The following LPP variants were observed in gnomAD, a reference collection of about 807,000 sequenced individuals.
The protein encoded by LPP is LIM domain containing preferred translocation partner in lipoma.
Under a neutral mutation model 60.4 loss-of-function variants are expected in LPP, and 38 were observed. The observed-to-expected ratio is 0.63, with a 90% CI of 0.49 to 0.83. LPP has a LOEUF of 0.83. Among genes scored for constraint, LPP ranks in the 40% least tolerant of loss-of-function variants. The probability of loss-of-function intolerance (pLI) is 0.00; values close to 1 mark genes in which losing one functional copy is unlikely to be tolerated. For missense variants in LPP, 902 were observed against 783.6 expected (o/e 1.15, Z -1.80); for synonymous variants, 328 against 290.8 (o/e 1.13, Z -1.30).
At chr3:188,478,316 A>G (rs954218970) in intron 4 of LPP, among the ~76,000 whole-genome samples, 8 of 152,274 alleles carry the variant, frequency 5.3e-5, no homozygotes, top group Middle Eastern at 3.4e-3. Context: ...ATTGAGACCT[A>G]TTTCTGGGCC....
intron 4 of LPP, among the ~76,000 whole-genome samples, chr3:188,455,705 A>G (rs549618925): frequency 6.6e-6 from 1 of 152,302 alleles, no homozygotes; most frequent in Admixed American, 6.5e-5. Context: ...ACTGTAACCT[A>G]TTCTAGATAT....
intron 3 of LPP, among the ~76,000 whole-genome samples, chr3:188,371,173 T>C (rs1320792435): frequency 6.6e-6 from 1 of 152,160 alleles, no homozygotes; most frequent in Admixed American, 6.5e-5. Context: ...TGGTAACTAT[T>C]AACCCACTCA....
intron 4 of LPP, among the ~76,000 whole-genome samples, chr3:188,437,106 C>A (rs1403315414): frequency 6.6e-6 from 1 of 152,152 alleles, no homozygotes; most frequent in Non-Finnish European, 1.5e-5. Flanking sequence ...ATTTATACAG[C>A]TGCTTACCAT....
rs964973067 is a variant in LPP, at chr3:188,558,895, G to A, written c.429+34108G>A. Among the ~76,000 whole-genome samples, 3 of 152,192 alleles carry A rather than the reference G, an allele frequency of 2.0e-5. 1 individual carries two copies. The highest frequency in any genetic ancestry group is 4.1e-4 in the South Asian group (2 of 4,820). On this transcript the variant is annotated intron_variant, in intron 6 of 11. Coordinates refer to ENST00000617246, the MANE Select transcript of LPP (RefSeq NM_001375462.1). ...GTATGACTCAGCTTTTGTCCAAGCA[G>A]CACTGCTTTTGTTCTATTTTGAATT...
chr3:188,678,474 T>C (rs1576989760), intron 7 of LPP, among the ~76,000 whole-genome samples: 1 of 152,246 alleles, frequency 6.6e-6, no homozygotes, highest in African/African-American at 2.4e-5. Flanking sequence ...GCATATGTTG[T>C]ATATTTCTGC....
At chr3:188,442,572 C>A (rs1366645282) in intron 4 of LPP, among the ~76,000 whole-genome samples, 1 of 152,102 alleles carries the variant, frequency 6.6e-6, no homozygotes, top group East Asian at 1.9e-4. Context: ...TGTGAACCAA[C>A]AGATTGGTGG....
chr3:188,588,200 T>G (rs1000765765), intron 6 of LPP, among the ~76,000 whole-genome samples: 2 of 152,192 alleles, frequency 1.3e-5, no homozygotes, highest in African/African-American at 4.8e-5. Flanking sequence ...CAAGCTGTGT[T>G]TTTCAAGACA....
At chr3:188,440,340 A>T (rs1560407558) in intron 4 of LPP, among the ~76,000 whole-genome samples, 1 of 152,202 alleles carries the variant, frequency 6.6e-6, no homozygotes, top group Non-Finnish European at 1.5e-5. Context: ...AAGGTTAAGT[A>T]TTATATTTAA....
intron 6 of LPP, among the ~76,000 whole-genome samples, chr3:188,579,344 G>GA (rs1261652992): frequency 6.6e-6 from 1 of 152,228 alleles, no homozygotes; most frequent in Non-Finnish European, 1.5e-5. Context: ...TGACATTCTA[G>GA]ACTGGGTTCC....
intron 6 of LPP, among the ~76,000 whole-genome samples, chr3:188,594,550 T>C (rs1217992095): frequency 1.3e-5 from 2 of 152,198 alleles, no homozygotes; most frequent in East Asian, 1.9e-4. Flanking sequence ...TTTTACCCAG[T>C]AGCTGGCAAC....
intron 7 of LPP, among the ~76,000 whole-genome samples, chr3:188,619,287 A>AGCC (rs1845401286): frequency 6.6e-6 from 1 of 152,212 alleles, no homozygotes; most frequent in African/African-American, 2.4e-5. Context: ...GGCCTCCCAA[A>AGCC]GTGTTGGGAT....
chr3:188,538,445 G>A (rs917900806), intron 6 of LPP, among the ~76,000 whole-genome samples: 1 of 152,130 alleles, frequency 6.6e-6, no homozygotes, highest in Non-Finnish European at 1.5e-5. Context: ...AAAAGATGCT[G>A]GACATATTTA....
intron 6 of LPP, among the ~76,000 whole-genome samples, chr3:188,556,715 A>G (rs1468549066): frequency 6.6e-6 from 1 of 151,970 alleles, no homozygotes; most frequent in Admixed American, 6.6e-5. Context: ...CTGCGAAACC[A>G]TAGCTTGTTC....
chr3:188,381,147 C>T (rs767434378), intron 3 of LPP, among the ~76,000 whole-genome samples: 2 of 152,064 alleles, frequency 1.3e-5, no homozygotes, highest in Non-Finnish European at 2.9e-5. Flanking sequence ...CTAAGATGGT[C>T]CTGTGATTAA....
Position 188,831,929 on chromosome 3 carries a change from G to A in LPP, c.1411-34271G>A, listed in dbSNP as rs539711968. On this transcript the variant is annotated intron_variant, in intron 9 of 11. Transcript: ENST00000617246. ...TCTCATAAAGATGTGCTATATATGT[G>A]TCCCATAGATTTTAATGAGACTTCA... 3.3e-5 allele frequency among the ~76,000 whole-genome samples: 5 copies of A among 152,302 alleles called. No individual in the cohort carries two copies. The South Asian group carries it at 6.2e-4, about 19-fold the overall frequency.
At chr3:188,353,918 C>G (rs1487157602) in intron 3 of LPP, among the ~76,000 whole-genome samples, 2 of 151,746 alleles carry the variant, frequency 1.3e-5, no homozygotes, top group Non-Finnish European at 2.9e-5. Flanking sequence ...GGCACTCTGC[C>G]CTAAATGAAT....
At chr3:188,697,209 T>C (rs1030889054) in intron 7 of LPP, among the ~76,000 whole-genome samples, 1 of 152,234 alleles carries the variant, frequency 6.6e-6, no homozygotes, top group African/African-American at 2.4e-5. Context: ...ATGCCCTTTC[T>C]TTGCATCCTA....
chr3:188,755,830 A>C (rs1577362732), intron 8 of LPP, among the ~76,000 whole-genome samples: 1 of 11,546 alleles, frequency 8.7e-5, no homozygotes, highest in Non-Finnish European at 1.7e-4. Flanking sequence ...AAAAAAAAAA[A>C]AAAAAAAAAA....
intron 3 of LPP, among the ~76,000 whole-genome samples, chr3:188,342,642 T>C (rs2150680930): frequency 6.6e-6 from 1 of 152,324 alleles, no homozygotes; most frequent in African/African-American, 2.4e-5. Flanking sequence ...CTTTGGTATG[T>C]TATATCTATG....
Sources: allele counts gnomAD v4.1 joint callset (sites outside exome capture counted in the v4.1 genomes callset), GRCh38; gene constraint gnomAD v4.1.1; transcripts MANE v1.5; gene names NCBI Gene and HGNC (gene_info 2026-07-23, HGNC 2026-07-21).